The following ADGRB3 variants were observed in gnomAD, a reference collection of about 807,000 sequenced individuals.
The protein encoded by ADGRB3 is brain-specific angiogenesis inhibitor 3.
A neutral mutation model predicts 193.4 loss-of-function variants in ADGRB3; 37 were observed. The observed-to-expected ratio is 0.19, with a 90% CI of 0.15 to 0.25. ADGRB3 has a LOEUF of 0.25. ADGRB3 is among the 10% of genes least tolerant of loss of function. The pLI is 1.00. For missense variants in ADGRB3, 1,637 were observed against 1,852.9 expected (o/e 0.88, Z 2.14); for synonymous variants, 690 against 644.2 (o/e 1.07, Z -1.08).
intron 3 of ADGRB3, among the ~76,000 whole-genome samples, chr6:68,721,517 C>T (rs1177494178): frequency 1.3e-5 from 2 of 151,268 alleles, no homozygotes; most frequent in East Asian, 2.0e-4. Context: ...AGGAGATATA[C>T]CTAATGTAAA....
chr6:68,828,230 A>G (rs1459799147), intron 3 of ADGRB3, among the ~76,000 whole-genome samples: 1 of 152,186 alleles, frequency 6.6e-6, no homozygotes, highest in Non-Finnish European at 1.5e-5. Flanking sequence ...CAATACATTA[A>G]GAAGGTTATT....
In ADGRB3 at chr6:68,823,590, A is replaced by T. The variant is rs751908150; in HGVS notation, c.758-106969A>T. ...TCATGGATGTTTTTTCCATTTGCTC[A>T]TGGAAAGATGTCTTAGAACTGTTCT... is the stretch of plus-strand genomic sequence containing the variant. On this transcript the variant is annotated intron_variant, in intron 3 of 31. Coordinates refer to ENST00000370598, the MANE Select transcript of ADGRB3 (RefSeq NM_001704.3). Among the ~76,000 whole-genome samples the T allele has an allele frequency of 4.6e-4, 70 of 152,148 alleles. 1 individual carries two copies. Among genetic ancestry groups the T allele is most frequent in the Middle Eastern group, 3.4e-3 (1 of 294 alleles).
chr6:69,383,765 A>G (rs527557680), intron 31 of ADGRB3, among the ~76,000 whole-genome samples: 27 of 152,178 alleles, frequency 1.8e-4, no homozygotes, highest in Middle Eastern at 3.4e-3. Flanking sequence ...GAAGCACCTT[A>G]TAGGCTAGGA....
intron 8 of ADGRB3, among the ~76,000 whole-genome samples, chr6:68,973,194 G>A (rs1768639282): frequency 1.3e-5 from 2 of 152,162 alleles, no homozygotes; most frequent in African/African-American, 4.8e-5. Flanking sequence ...GATGACTGAG[G>A]AGTGTGGATT....
At chr6:69,040,809 A>G (rs1180926585) in intron 13 of ADGRB3, among the ~76,000 whole-genome samples, 5 of 151,582 alleles carry the variant, frequency 3.3e-5, no homozygotes. Flanking sequence ...TAAAGTTTCT[A>G]TATACATATT....
intron 3 of ADGRB3, among the ~76,000 whole-genome samples, chr6:68,765,615 T>A (rs566292331): frequency 2.0e-5 from 3 of 151,574 alleles, no homozygotes; most frequent in African/African-American, 7.3e-5. Flanking sequence ...TAGTTCATAG[T>A]GTGCTATAAT....
At chr6:68,644,187 A>G (rs143473616) in intron 3 of ADGRB3, among the ~76,000 whole-genome samples, 3 of 152,114 alleles carry the variant, frequency 2.0e-5, no homozygotes, top group Admixed American at 6.5e-5. Flanking sequence ...TTGGGAAAGC[A>G]TCTACCTTTT....
chr6:68,911,836 AAGGTCAT>A (rs1039952110), intron 3 of ADGRB3, among the ~76,000 whole-genome samples: 17 of 151,008 alleles, frequency 1.1e-4, no homozygotes, highest in Non-Finnish European at 2.1e-4. Flanking sequence ...TTGCTACACA[AAGGTCAT>A]TCCTAAATGT....
intron 3 of ADGRB3, among the ~76,000 whole-genome samples, chr6:68,734,391 G>T (rs1420465670): frequency 6.6e-6 from 1 of 151,856 alleles, no homozygotes; most frequent in African/African-American, 2.4e-5. Context: ...CAAACGTAAA[G>T]ATTATCTTCT....
chr6:69,128,658 A>G (rs1324775156), intron 17 of ADGRB3, among the ~76,000 whole-genome samples: 1 of 152,174 alleles, frequency 6.6e-6, no homozygotes, highest in Non-Finnish European at 1.5e-5. Context: ...GCCACACAAT[A>G]AAAATGTAAA....
intron 3 of ADGRB3, among the ~76,000 whole-genome samples, chr6:68,863,591 A>T (rs972807226): frequency 2.0e-5 from 3 of 152,126 alleles, no homozygotes; most frequent in African/African-American, 7.2e-5. Context: ...ACACATTTTG[A>T]AAAACTGTAT....
Position 68,769,488 on chromosome 6 carries a change from T to C in ADGRB3, c.757+130056T>C, listed in dbSNP as rs150347275. ...TCACTCATAAGTCGGAGTTGAACAA[T>C]GAGAACACATGGACACAGGGAGGGG... On this transcript the variant is annotated intron_variant, in intron 3 of 31. Coordinates refer to ENST00000370598, the MANE Select transcript of ADGRB3 (RefSeq NM_001704.3). Among the ~76,000 whole-genome samples the C allele has an allele frequency of 9.5e-3, 1,451 of 152,020 alleles. 14 individuals carry two copies. Among genetic ancestry groups the C allele is most frequent in the African/African-American group, 0.031 (1,279 of 41,446 alleles).
At chr6:68,858,086 C>A (rs115082106) in intron 3 of ADGRB3, among the ~76,000 whole-genome samples, 2 of 152,292 alleles carry the variant, frequency 1.3e-5, no homozygotes, top group South Asian at 4.1e-4. Flanking sequence ...TCTCCATTAA[C>A]CCTCTTTTGT....
At chr6:68,787,649 C>T (rs1767004000) in intron 3 of ADGRB3, among the ~76,000 whole-genome samples, 1 of 152,150 alleles carries the variant, frequency 6.6e-6, no homozygotes, top group Admixed American at 6.5e-5. Context: ...TCTTTGGTAT[C>T]AGGATGATGC....
chr6:68,868,239 CT>C (rs1442298679), intron 3 of ADGRB3, among the ~76,000 whole-genome samples: 1 of 152,082 alleles, frequency 6.6e-6, no homozygotes, highest in East Asian at 1.9e-4. Flanking sequence ...TGAGTTAGTT[CT>C]ATGAGATCTA....
chr6:68,857,913 A>G (rs1765033162), intron 3 of ADGRB3, among the ~76,000 whole-genome samples: 1 of 152,120 alleles, frequency 6.6e-6, no homozygotes, highest in African/African-American at 2.4e-5. Flanking sequence ...TTCTTGTGCT[A>G]TTCTCATGAT....
chr6:68,994,166 A>T (rs1769320236), intron 11 of ADGRB3, among the ~76,000 whole-genome samples: 1 of 152,112 alleles, frequency 6.6e-6, no homozygotes, highest in Non-Finnish European at 1.5e-5. Context: ...TGCATATATT[A>T]CACCTCAAGG....
intron 3 of ADGRB3, among the ~76,000 whole-genome samples, chr6:68,759,956 T>A (rs1766366593): frequency 6.6e-6 from 1 of 152,162 alleles, no homozygotes; most frequent in African/African-American, 2.4e-5. Context: ...TTGTTTGAAG[T>A]TATTTTAGTT....
At chr6:69,077,721 A>G (rs1247049809) in intron 17 of ADGRB3, among the ~76,000 whole-genome samples, 2 of 152,014 alleles carry the variant, frequency 1.3e-5, no homozygotes, top group African/African-American at 4.8e-5. Flanking sequence ...GTCACGAAGA[A>G]TGTCTCAGCT....
Sources: gnomAD v4.1 joint callset for allele counts (sites outside exome capture counted in the v4.1 genomes callset) on GRCh38, gnomAD v4.1.1 for gene constraint, MANE v1.5 for transcripts, NCBI Gene and HGNC (gene_info 2026-07-23, HGNC 2026-07-21) for gene names.